RIMS1: variants seen among roughly 807,000 people sequenced by gnomAD.
The protein encoded by RIMS1 is regulating synaptic membrane exocytosis 1, also known as regulating synaptic membrane exocytosis protein 1.
A neutral mutation model predicts 214.1 loss-of-function variants in RIMS1; 83 were observed. The ratio of observed to expected loss-of-function variants is 0.39; its 90% CI spans 0.32 to 0.47. The LOEUF (loss-of-function observed/expected upper bound fraction) is 0.47. RIMS1 is among the 20% of genes least tolerant of loss of function. The pLI is 0.99. For missense variants in RIMS1, 2,050 were observed against 2,161.8 expected, an observed-to-expected ratio of 0.95 and a Z score of 1.03; for synonymous variants, 793 against 786.8, an observed-to-expected ratio of 1.01 and a Z score of -0.13.
rs2098692384 is a variant in RIMS1 at position 72,390,940 on chromosome 6, G to A, written c.4505+204G>A. 1.1e-5 allele frequency: 5 copies of A among 458,364 alleles called. No individual in the cohort carries two copies. In the South Asian group the frequency reaches 3.3e-4, roughly 30 times the overall value. The allele number at this position is 458,364 out of a possible 1,614,324, so 28.4% of individuals were successfully genotyped here. ...TGGTCATTCATACCTTTCAAAGGGTGAAGAAATTCTGAGTCCACATGAACA... is the reference window on the plus strand; with the variant it reads ...TGGTCATTCATACCTTTCAAAGGGTAAAGAAATTCTGAGTCCACATGAACA... On this transcript the variant is annotated intron_variant, in intron 30 of 33. Coordinates refer to ENST00000521978, the MANE Select transcript of RIMS1 (RefSeq NM_014989.7).
chr6:72,304,860 C>G (rs745489840), intron 26 of RIMS1, among the ~76,000 whole-genome samples: 1 of 151,836 alleles, frequency 6.6e-6, no homozygotes, highest in Non-Finnish European at 1.5e-5. Context: ...TTGTTGGAAT[C>G]CGAGAGCAAG....
In RIMS1 at chr6:72,227,083, A is replaced by G. The variant is rs149471321; in HGVS notation, c.1679-6690A>G. 2.9e-4 allele frequency among the ~76,000 whole-genome samples: 44 copies of G among 152,158 alleles called. No individual in the cohort carries two copies. The East Asian group carries it at 7.5e-3, about 26-fold the overall frequency. ...TAGTCACAAGTCTCCAACTCGGAGT[A>G]CAAAGTTCTTTTTACTGCATAATCG... On this transcript the variant is annotated intron_variant, in intron 6 of 33. Transcript: ENST00000521978.
intron 4 of RIMS1, among the ~76,000 whole-genome samples, chr6:72,141,669 A>C (rs2042094069): frequency 6.6e-6 from 1 of 152,040 alleles, no homozygotes; most frequent in African/African-American, 2.4e-5. Context: ...ACACAATTTA[A>C]ATAACCCGTG....
At chr6:72,108,126 C>G (rs1472557159) in intron 4 of RIMS1, among the ~76,000 whole-genome samples, 1 of 152,162 alleles carries the variant, frequency 6.6e-6, no homozygotes, top group Non-Finnish European at 1.5e-5. Flanking sequence ...CTCAGGCCAT[C>G]ATCCTACCTC....
intron 26 of RIMS1, among the ~76,000 whole-genome samples, chr6:72,297,513 A>C (rs969633894): frequency 1.3e-5 from 2 of 152,032 alleles, no homozygotes; most frequent in African/African-American, 4.8e-5. Context: ...AGTATAACCT[A>C]AAGTCTGCAT....
At chr6:72,128,034 C>G (rs2039865592) in intron 4 of RIMS1, among the ~76,000 whole-genome samples, 1 of 152,030 alleles carries the variant, frequency 6.6e-6, no homozygotes. Context: ...TGGCTTTGTC[C>G]AAAGGGAAAA....
chr6:72,013,045 T>C (rs1811397258), intron 2 of RIMS1, among the ~76,000 whole-genome samples: 1 of 152,208 alleles, frequency 6.6e-6, no homozygotes, highest in Admixed American at 6.5e-5. Context: ...ACTACTTTAG[T>C]TTTTGGTTTC....
At chr6:72,102,018 G>A (rs1178778743) in intron 4 of RIMS1, among the ~76,000 whole-genome samples, 1 of 151,998 alleles carries the variant, frequency 6.6e-6, no homozygotes. Context: ...TTCATTAAAA[G>A]CCCTCCTTGA....
chr6:72,204,052 T>A (rs1477112252), intron 6 of RIMS1, among the ~76,000 whole-genome samples: 1 of 152,226 alleles, frequency 6.6e-6, no homozygotes, highest in Non-Finnish European at 1.5e-5. Context: ...GTTATATGAA[T>A]CCAGGTATGT....
At chr6:71,947,369 C>T (rs1454659657) in intron 1 of RIMS1, among the ~76,000 whole-genome samples, 1 of 152,026 alleles carries the variant, frequency 6.6e-6, no homozygotes, top group Non-Finnish European at 1.5e-5. Flanking sequence ...TACTGTTCAA[C>T]CTTATAAAAG....
At chr6:71,923,819 C>T (rs575071053) in intron 1 of RIMS1, among the ~76,000 whole-genome samples, 1 of 152,280 alleles carries the variant, frequency 6.6e-6, no homozygotes, top group South Asian at 2.1e-4. Flanking sequence ...CCACCTCAGC[C>T]TCCCAAAGTG....
At chr6:72,184,997 T>C (rs748619897) in intron 6 of RIMS1, among the ~76,000 whole-genome samples, 7 of 152,238 alleles carry the variant, frequency 4.6e-5, no homozygotes, top group Non-Finnish European at 1.0e-4. Flanking sequence ...CTGGACTAGA[T>C]ACATGGATGT....
intron 6 of RIMS1, chr6:72,213,079 AG>A: frequency 6.5e-7 from 1 of 1,535,870 alleles, no homozygotes; most frequent in Non-Finnish European, 8.7e-7. Flanking sequence ...TTAAACAGCA[AG>A]GCTTAAATCT....
intron 24 of RIMS1, among the ~76,000 whole-genome samples, chr6:72,284,763 CAAT>C (rs1255956871): frequency 6.6e-6 from 1 of 151,960 alleles, no homozygotes; most frequent in Non-Finnish European, 1.5e-5. Flanking sequence ...ATTTATCCAA[CAAT>C]GACTGAGAGC....
chr6:72,198,816 A>G (rs1588986656), intron 6 of RIMS1, among the ~76,000 whole-genome samples: 2 of 152,122 alleles, frequency 1.3e-5, no homozygotes, highest in East Asian at 3.9e-4. Context: ...ATACAGAATC[A>G]ATTATGAGCA....
rs188789276 is a variant in RIMS1, at chr6:72,100,357, G to A, written c.471+371G>A. Among the ~76,000 whole-genome samples, 450 of 152,086 alleles carry A rather than the reference G, an allele frequency of 3.0e-3. 2 individuals carry two copies. Among genetic ancestry groups the A allele is most frequent in the Non-Finnish European group, 4.8e-3 (324 of 67,940 alleles). On this transcript the variant is annotated intron_variant, in intron 4 of 33. Transcript: ENST00000521978. ...AAGGCAGGTGATTTGAAACTTTATT[G>A]CAGAAGGAATGGAAAACACTTAGTA...
At chr6:71,981,430 T>A (rs1425590476) in intron 2 of RIMS1, among the ~76,000 whole-genome samples, 1 of 152,158 alleles carries the variant, frequency 6.6e-6, no homozygotes, top group Admixed American at 6.6e-5. Flanking sequence ...AATCTTGGGC[T>A]AGGATCTAGT....
intron 4 of RIMS1, among the ~76,000 whole-genome samples, chr6:72,130,200 CT>C (rs1256476054): frequency 6.6e-6 from 1 of 152,098 alleles, no homozygotes; most frequent in East Asian, 1.9e-4. Flanking sequence ...CCCAAACTCT[CT>C]GACTAGATGA....
chr6:72,012,581 T>G (rs1016970866), intron 2 of RIMS1, among the ~76,000 whole-genome samples: 7 of 151,874 alleles, frequency 4.6e-5, no homozygotes, highest in Non-Finnish European at 8.8e-5. Context: ...AAAAGCAACC[T>G]GGGTATATGT....
Sources: gnomAD v4.1 joint callset for allele counts (sites outside exome capture counted in the v4.1 genomes callset) on GRCh38, gnomAD v4.1.1 for gene constraint, MANE v1.5 for transcripts, NCBI Gene and HGNC (gene_info 2026-07-23, HGNC 2026-07-21) for gene names.